Variants in CCDC149 observed in about 807,000 individuals in gnomAD.
The protein encoded by CCDC149 is coiled-coil domain containing 149, also known as coiled-coil domain-containing protein 149.
CCDC149 carries 45 observed loss-of-function variants against 59.9 expected under a neutral mutation model. The observed-to-expected ratio is 0.75, with a 90% CI of 0.59 to 0.96. CCDC149 has a LOEUF of 0.96. Among genes scored for constraint, CCDC149 ranks in the 40% least tolerant of loss-of-function variants. CCDC149 has a pLI of 0.00. For synonymous variants in CCDC149, 245 were observed against 260.6 expected, an observed-to-expected ratio of 0.94 and a Z score of 0.58; for missense variants, 584 against 664.7, an observed-to-expected ratio of 0.88 and a Z score of 1.33.
At chr4:24,908,450 C>T (rs1721667530) in intron 1 of CCDC149, among the ~76,000 whole-genome samples, 1 of 151,352 alleles carries the variant, frequency 6.6e-6, no homozygotes, top group Non-Finnish European at 1.5e-5. Context: ...ATAATCCCAT[C>T]ACTTTGGGAG....
At chr4:24,927,152 A>C (rs1389095202) in intron 1 of CCDC149, among the ~76,000 whole-genome samples, 2 of 152,198 alleles carry the variant, frequency 1.3e-5, no homozygotes, top group South Asian at 4.1e-4. Flanking sequence ...AAAGGAGTAC[A>C]TGAGATGTGA....
At chr4:24,842,604 T>C (rs940177200) in intron 4 of CCDC149, among the ~76,000 whole-genome samples, 28 of 152,122 alleles carry the variant, frequency 1.8e-4, no homozygotes, top group Admixed American at 5.2e-4. Context: ...TATGAATGAA[T>C]TATGGGTGTG....
upstream of CCDC149, among the ~76,000 whole-genome samples, chr4:24,916,597 C>T (rs771373068): frequency 6.6e-6 from 1 of 152,072 alleles, no homozygotes; most frequent in Non-Finnish European, 1.5e-5. Context: ...AAGCAAAATT[C>T]GGGCTGTTGG....
chr4:24,822,844 T>C (rs1174266503), intron 9 of CCDC149: 1 of 284,590 alleles, frequency 3.5e-6, no homozygotes, highest in Non-Finnish European at 6.5e-6. Context: ...AGCTAAATGA[T>C]GACTCCACCG....
chr4:24,973,679 A>C (rs1357638414), intron 1 of CCDC149, among the ~76,000 whole-genome samples: 2 of 152,230 alleles, frequency 1.3e-5, no homozygotes, highest in Non-Finnish European at 2.9e-5. Flanking sequence ...AGCTGTGCCT[A>C]CAGCAGTCTC....
chr4:24,946,671 G>A (rs1723118825), intron 1 of CCDC149, among the ~76,000 whole-genome samples: 1 of 152,138 alleles, frequency 6.6e-6, no homozygotes, highest in South Asian at 2.1e-4. Context: ...ATGTTAAATG[G>A]CAGTCTAAGG....
At chr4:24,804,071 C>T (rs1714005157), downstream of CCDC149, among the ~76,000 whole-genome samples, 1 of 152,170 alleles carries the variant, frequency 6.6e-6, no homozygotes, top group South Asian at 2.1e-4. Context: ...GTGTTGGGGG[C>T]AATGCTTTGG....
chr4:24,924,603 G>T (rs1194255893), intron 1 of CCDC149, among the ~76,000 whole-genome samples: 4 of 152,200 alleles, frequency 2.6e-5, no homozygotes, highest in African/African-American at 9.7e-5. Flanking sequence ...CTTACATGTG[G>T]TCTCTCCATG....
intron 1 of CCDC149, among the ~76,000 whole-genome samples, chr4:24,939,730 G>A (rs955215583): frequency 2.6e-5 from 4 of 152,176 alleles, no homozygotes; most frequent in African/African-American, 7.2e-5. Flanking sequence ...ACCACAGCAC[G>A]AGAACTACGC....
At chr4:24,911,509 C>T (rs765237987) in intron 1 of CCDC149, among the ~76,000 whole-genome samples, 2 of 152,198 alleles carry the variant, frequency 1.3e-5, no homozygotes, top group Non-Finnish European at 2.9e-5. Flanking sequence ...GGAGAACTAC[C>T]TCCAGCCTCC....
rs1715267659 is a variant in CCDC149 at position 24,819,922 on chromosome 4, A to G, written c.1129T>C (p.Ser377Pro). ...ACAAACTTCAGCAGTGGGGATCTCGACCTCTGTCCACTAGGAAGAGTGGGG... is the reference window on the plus strand; with the variant it reads ...ACAAACTTCAGCAGTGGGGATCTCGGCCTCTGTCCACTAGGAAGAGTGGGG... Residue 377 changes from serine (S) to proline (P), a missense_variant, in exon 12 of 13, where the codon TCG becomes CCG. Transcript: ENST00000635206. 1 of 1,550,936 alleles carries G rather than the reference A, an allele frequency of 6.4e-7. No homozygotes were observed. Among genetic ancestry groups the G allele is most frequent in the Non-Finnish European group, 8.7e-7 (1 of 1,146,722 alleles).
intron 1 of CCDC149, among the ~76,000 whole-genome samples, chr4:24,952,605 A>G (rs1189139497): frequency 9.1e-4 from 29 of 31,854 alleles, no homozygotes; most frequent in African/African-American, 1.4e-3. Context: ...CAAAAAAAAA[A>G]AAAAAAAAAA....
intron 1 of CCDC149, among the ~76,000 whole-genome samples, chr4:24,956,612 C>T (rs1184302065): frequency 6.6e-6 from 1 of 152,056 alleles, no homozygotes; most frequent in Non-Finnish European, 1.5e-5. Flanking sequence ...CTATGGATGC[C>T]ACAGTAGGAC....
At chr4:24,860,200 TAGGCC>T (rs1460987325) in intron 3 of CCDC149, among the ~76,000 whole-genome samples, 2 of 152,036 alleles carry the variant, frequency 1.3e-5, no homozygotes, top group East Asian at 3.8e-4. Context: ...ACTATACCAT[TAGGCC>T]ATAGTCACCA....
chr4:24,909,270 T>C (rs1280842698), intron 1 of CCDC149, among the ~76,000 whole-genome samples: 1 of 152,128 alleles, frequency 6.6e-6, no homozygotes, highest in African/African-American at 2.4e-5. Context: ...CACCCAGGAC[T>C]TCTGCAGAAA....
At chr4:24,826,111 A>G (rs1577385708) in intron 9 of CCDC149, among the ~76,000 whole-genome samples, 1 of 150,350 alleles carries the variant, frequency 6.7e-6, no homozygotes, top group Non-Finnish European at 1.5e-5. Flanking sequence ...GTCTGCTGCC[A>G]CGCCTGGCTA....
At chr4:24,920,507 G>T (rs1259309514) in intron 1 of CCDC149, among the ~76,000 whole-genome samples, 1 of 152,210 alleles carries the variant, frequency 6.6e-6, no homozygotes, top group Non-Finnish European at 1.5e-5. Context: ...TCCTCTTAAA[G>T]TCTAGCCCTG....
chr4:24,866,956 T>C (rs1718742575), intron 3 of CCDC149, among the ~76,000 whole-genome samples: 2 of 152,104 alleles, frequency 1.3e-5, no homozygotes, highest in South Asian at 4.1e-4. Context: ...AACAAGACAC[T>C]TAATCTTTAG....
Position 24,852,495 on chromosome 4 carries a change from A to G in CCDC149, c.372+577T>C, listed in dbSNP as rs185294967. Among the ~76,000 whole-genome samples, 258 of 152,302 alleles carry G rather than the reference A, an allele frequency of 1.7e-3. 4 individuals carry two copies. Among genetic ancestry groups the G allele is most frequent in the African/African-American group, 6.0e-3 (250 of 41,550 alleles). On this transcript the variant is annotated intron_variant, in intron 4 of 12. Coordinates refer to ENST00000635206, the MANE Select transcript of CCDC149 (RefSeq NM_001330643.2). Reference sequence around the variant, plus strand: ...CTTTCTCAGTTGTACTTTTGTTCATAGCTTCAGCTGGGAGAGAGAGTGCAC... The same window carrying G: ...CTTTCTCAGTTGTACTTTTGTTCATGGCTTCAGCTGGGAGAGAGAGTGCAC...
Sources: allele counts gnomAD v4.1 joint callset (sites outside exome capture counted in the v4.1 genomes callset), GRCh38; gene constraint gnomAD v4.1.1; transcripts MANE v1.5; gene names NCBI Gene and HGNC (gene_info 2026-07-23, HGNC 2026-07-21).